The following PPP2R2B variants were observed in gnomAD, a reference collection of about 807,000 sequenced individuals.
PPP2R2B encodes the protein protein phosphatase 2 regulatory subunit Bbeta.
A neutral mutation model predicts 46.0 loss-of-function variants in PPP2R2B; 5 were observed. The ratio of observed to expected loss-of-function variants is 0.11; its 90% confidence interval spans 0.06 to 0.23. PPP2R2B has a LOEUF of 0.23. PPP2R2B is among the 10% of genes least tolerant of loss of function. PPP2R2B has a pLI of 1.00. For missense variants in PPP2R2B, 367 were observed against 575.0 expected (o/e 0.64, Z 3.70); for synonymous variants, 215 against 206.7 (o/e 1.04, Z -0.34).
exon 1 of PPP2R2B, chr5:147,081,402 G>T (rs190786260): frequency 7.8e-5 from 91 of 1,168,602 alleles, no homozygotes; most frequent in Middle Eastern, 2.0e-4. Context: ...ATTGGAGTTT[G>T]TCCCTTCTCA....
At chr5:146,687,058 C>T (rs79733318) in intron 5 of PPP2R2B, among the ~76,000 whole-genome samples, 4 of 93,914 alleles carry the variant, frequency 4.3e-5, no homozygotes, top group Non-Finnish European at 6.4e-5. Context: ...ACAGTGGTAG[C>T]GGGGAGTGGT....
intron 6 of PPP2R2B, among the ~76,000 whole-genome samples, chr5:146,642,419 A>G (rs1775281409): frequency 6.6e-6 from 1 of 152,210 alleles, no homozygotes. Flanking sequence ...AGTTTAGAAA[A>G]AGCTTTTTAT....
At chr5:147,056,096 G>C, upstream of PPP2R2B, 1 of 1,062,594 alleles carries the variant, frequency 9.4e-7, no homozygotes. Context: ...CTTTTCCCGT[G>C]TGGTGAGTTT....
intron 5 of PPP2R2B, among the ~76,000 whole-genome samples, chr5:146,686,902 G>A (rs1293477590): frequency 1.3e-5 from 2 of 152,108 alleles, no homozygotes. Flanking sequence ...CCTGGGCAGC[G>A]GGAGGTTGGG....
chr5:147,066,586 T>G (rs942298419), intron 2 of PPP2R2B, among the ~76,000 whole-genome samples: 1 of 152,158 alleles, frequency 6.6e-6, no homozygotes, highest in African/African-American at 2.4e-5. Context: ...GCCTAGCACC[T>G]GGAATGTTGG....
chr5:146,796,127 A>T (rs144262065), intron 2 of PPP2R2B, among the ~76,000 whole-genome samples: 16 of 152,304 alleles, frequency 1.1e-4, no homozygotes, highest in African/African-American at 3.8e-4. Context: ...GAAAACACCC[A>T]TATAAAAATG....
At chr5:146,940,268 A>C (rs1468947589) in intron 1 of PPP2R2B, among the ~76,000 whole-genome samples, 1 of 152,170 alleles carries the variant, frequency 6.6e-6, no homozygotes, top group Non-Finnish European at 1.5e-5. Context: ...CTGCAGATTC[A>C]GGCCTGGATG....
At chr5:146,892,956 T>A (rs913706793) in intron 1 of PPP2R2B, among the ~76,000 whole-genome samples, 3 of 152,344 alleles carry the variant, frequency 2.0e-5, no homozygotes, top group African/African-American at 4.8e-5. Context: ...CTCTAGGATC[T>A]ATTGCTACCC....
rs78837128 is a variant in PPP2R2B, at chr5:147,080,106, A to T, written c.50+953T>A. Among the ~76,000 whole-genome samples, 981 of 152,306 alleles carry T rather than the reference A, an allele frequency of 6.4e-3. 13 individuals are homozygous for T. The highest frequency in any genetic ancestry group is 0.023 in the African/African-American group (947 of 41,560). ...ACAAAGGAATTATAGCAAGATTTTA[A>T]ATAAACTGCCTCTTTCAAATTCCTC... On this transcript the variant is annotated intron_variant, in intron 2 of 10. Coordinates refer to the PPP2R2B transcript ENST00000394413.
chr5:146,704,861 G>T (rs1779740719), intron 2 of PPP2R2B, among the ~76,000 whole-genome samples: 1 of 152,162 alleles, frequency 6.6e-6, no homozygotes, highest in African/African-American at 2.4e-5. Flanking sequence ...ATGATTGTGA[G>T]GCTTACGGAA....
intron 7 of PPP2R2B, among the ~76,000 whole-genome samples, chr5:146,603,521 C>T (rs1771976145): frequency 6.6e-6 from 1 of 152,144 alleles, no homozygotes; most frequent in African/African-American, 2.4e-5. Flanking sequence ...AACCTACCAC[C>T]ATTTATTTGT....
intron 1 of PPP2R2B, among the ~76,000 whole-genome samples, chr5:147,001,755 G>C (rs1454350478): frequency 1.3e-5 from 2 of 152,194 alleles, no homozygotes; most frequent in Non-Finnish European, 2.9e-5. Flanking sequence ...TTGTTGGCCA[G>C]TTAAAAGCAA....
intron 2 of PPP2R2B, among the ~76,000 whole-genome samples, chr5:146,838,950 T>G (rs1164930084): frequency 3.3e-5 from 5 of 152,192 alleles, no homozygotes; most frequent in Admixed American, 6.5e-5. Context: ...GAAAAGTGAA[T>G]GTCCATCCTC....
chr5:146,901,150 A>G (rs1023309254), intron 1 of PPP2R2B, among the ~76,000 whole-genome samples: 5 of 152,200 alleles, frequency 3.3e-5, no homozygotes, highest in African/African-American at 9.6e-5. Flanking sequence ...TTGAAGTTGA[A>G]TATGACCAAG....
intron 1 of PPP2R2B, among the ~76,000 whole-genome samples, chr5:146,947,822 G>A (rs1764530822): frequency 6.6e-6 from 1 of 151,650 alleles, no homozygotes; most frequent in Admixed American, 6.6e-5. Flanking sequence ...GTGTTCTCAT[G>A]AGTCCATGCT....
intron 3 of PPP2R2B, 81 bp from the exon 4 acceptor site, chr5:146,698,225 G>T: frequency 8.0e-7 from 1 of 1,249,034 alleles, no homozygotes; most frequent in Non-Finnish European, 1.1e-6. Flanking sequence ...TTTTTTTCCA[G>T]CAGTCATTGG....
At chr5:147,020,494 A>T (rs930514181) in intron 1 of PPP2R2B, among the ~76,000 whole-genome samples, 6 of 152,082 alleles carry the variant, frequency 3.9e-5, no homozygotes, top group Admixed American at 3.9e-4. Flanking sequence ...ATCATAAAAG[A>T]TTTGGGGGTT....
chr5:146,917,856 C>G (rs1188060855), intron 1 of PPP2R2B: 1 of 152,110 alleles, frequency 6.6e-6, no homozygotes, highest in African/African-American at 2.4e-5. Flanking sequence ...ATTTGCTACT[C>G]AAGGATGCGA....
At chr5:146,672,741 A>G (rs147767675) in intron 5 of PPP2R2B, among the ~76,000 whole-genome samples, 177 of 152,328 alleles carry the variant, frequency 1.2e-3, no homozygotes, top group African/African-American at 4.1e-3. Flanking sequence ...CTATTTGAGT[A>G]TTCATTTAAC....
Sources: allele counts gnomAD v4.1 joint callset (sites outside exome capture counted in the v4.1 genomes callset), GRCh38; gene constraint gnomAD v4.1.1; transcripts MANE v1.5; gene names NCBI Gene and HGNC (gene_info 2026-07-23, HGNC 2026-07-21).